Variants in CCNT1 observed in about 807,000 individuals in gnomAD.
CCNT1 encodes cyclin T1.
In CCNT1, 18 loss-of-function variants were observed where a neutral mutation model predicts 67.3. The ratio of observed to expected loss-of-function variants is 0.27; its 90% confidence interval spans 0.18 to 0.40. The LOEUF is 0.40. CCNT1 is among the 10% of genes least tolerant of loss of function. CCNT1 has a pLI of 1.00. For missense variants in CCNT1, 744 were observed against 884.9 expected (o/e 0.84, Z 2.02); for synonymous variants, 333 against 310.3 (o/e 1.07, Z -0.77).
chr12:48,693,597 G>A lies in CCNT1; in HGVS notation c.1617C>T (p.Asn539=). The A allele has an allele frequency of 6.2e-7, 1 of 1,614,182 alleles. No homozygotes were observed. The highest frequency in any genetic ancestry group is 1.1e-5 in the South Asian group (1 of 91,076). ...SHSQLPVGTG[N]KRPGDPKHSS... ...TATGTTTTGGATCACCAGGACGTTT[G>A]TTCCCAGTACCAACTGGAAGTTGGG... The change falls in exon 9 of 9, where the codon AAC becomes AAT. Residue 539 remains asparagine (N), a synonymous_variant. Transcript: ENST00000261900.
chr12:48,705,633 A>G (rs1190992910), intron 3 of CCNT1, 135 bp downstream of exon 3: 2 of 744,686 alleles, frequency 2.7e-6, no homozygotes, highest in Non-Finnish European at 4.4e-6. Flanking sequence ...AACAACACCA[A>G]TCTAAACTTC....
rs1454228200 is a variant in CCNT1, at chr12:48,716,605, G to A, written c.71C>T (p.Ser24Phe). 6.2e-7 allele frequency: 1 copy of A among 1,614,232 alleles called. No individual in the cohort carries two copies. The highest frequency in any genetic ancestry group is 8.5e-7 in the Non-Finnish European group (1 of 1,180,022). The change falls in exon 1 of 9, where the codon TCC becomes TTC. Residue 24 changes from serine to phenylalanine, a missense_variant. By Grantham distance (155) the Ser-to-Phe change is radical. Transcript: ENST00000261900. ...ATCTGGGTCCACGCCAAAACGACGG[G>A]ATGGGCTATTTTCCAGCTGTTCTCG... ...FTREQLENSP[S>F]RRFGVDPDKE...
intron 6 of CCNT1, among the ~76,000 whole-genome samples, chr12:48,697,534 A>AAAAATATATATATAT (rs1288926072): frequency 7.7e-6 from 1 of 130,710 alleles, no homozygotes; most frequent in African/African-American, 3.0e-5. Flanking sequence ...AAAAAAAAAA[A>AAAAATATATATATAT]ATATATATAT....
chr12:48,701,455 T>C (rs1346257130), intron 3 of CCNT1, among the ~76,000 whole-genome samples: 2 of 151,788 alleles, frequency 1.3e-5, no homozygotes, highest in African/African-American at 2.4e-5. Context: ...CTTTAAAAAA[T>C]AAATAAATAA....
At position 48,693,203 on chromosome 12, in the gene CCNT1, G is replaced by C; in HGVS notation, c.2011C>G (p.Gln671Glu). 1 of 1,614,154 alleles carries C rather than the reference G, an allele frequency of 6.2e-7. No homozygotes were observed. Among genetic ancestry groups the C allele is most frequent in the Non-Finnish European group, 8.5e-7 (1 of 1,180,016 alleles). The change falls in exon 9 of 9, where the codon CAG (glutamine) becomes GAG (glutamate). Residue 671 changes from glutamine to glutamate, a missense_variant. Transcript: ENST00000261900. ...VNMLHSLLSA[Q>E]GVQPTQPTAF... ...GTGGGCTGAGTGGGCTGAACACCCT[G>C]GGCACTGAGCAGGGAGTGAAGCATA...
rs748773472 is a variant in CCNT1, at chr12:48,693,262, G to A, written c.1952C>T (p.Thr651Met). 1.4e-5 allele frequency: 22 copies of A among 1,614,120 alleles called. No homozygotes were observed. Among genetic ancestry groups the A allele is most frequent in the East Asian group, 4.5e-5 (2 of 44,900 alleles). Residue 651 changes from threonine to methionine, a missense_variant, in exon 9 of 9, where the codon ACG (threonine) becomes ATG (methionine). By Grantham distance (81) the Thr-to-Met change is moderately conservative. Coordinates refer to ENST00000261900, the MANE Select transcript of CCNT1 (RefSeq NM_001240.4). ...GTCTTGATAGTCTATTGTCTGGGTC[G>A]TGTTGTGACCATTGGCCCCAGTGGG... ...KGPTGANGHNTTQTIDYQDTV... is the reference protein window; with the variant it reads ...KGPTGANGHNMTQTIDYQDTV...
At chr12:48,703,304 T>C (rs1286359133) in intron 3 of CCNT1, among the ~76,000 whole-genome samples, 1 of 152,066 alleles carries the variant, frequency 6.6e-6, no homozygotes, top group Non-Finnish European at 1.5e-5. Context: ...CTGGACATGG[T>C]GGCTCACGCC....
rs559667124 is a variant in CCNT1 at position 48,691,544 on chromosome 12, G to A, written c.*1489C>T. ...GAATTCTTTCTAGCCAAGATTTTCT[G>A]AAAGATTTATTAAAAATGTTCACTC... On this transcript the variant is annotated 3_prime_UTR_variant, in exon 9 of 9. Coordinates refer to ENST00000261900, the MANE Select transcript of CCNT1 (RefSeq NM_001240.4). 1 of 152,170 alleles carries A rather than the reference G, an allele frequency of 6.6e-6. No homozygotes were observed. Among genetic ancestry groups the A allele is most frequent in the Admixed American group, 6.5e-5 (1 of 15,280 alleles). The allele number at this position is 152,170 out of a possible 1,614,324, so 9.4% of individuals were successfully genotyped here.
rs561574316 is a variant in CCNT1 at position 48,706,030 on chromosome 12, G to GC, written c.244-135dup. ...CTTTGTCACCTCTTTACCCTTTCCC[G>GC]CCCCCCCGCTTCTACCATCTTCCCC... On this transcript the variant is annotated intron_variant, in intron 2 of 8. Coordinates refer to ENST00000261900, the MANE Select transcript of CCNT1 (RefSeq NM_001240.4). 4,059 of 707,422 alleles carry GC rather than the reference G, an allele frequency of 5.7e-3. 62 individuals carry two copies. Among genetic ancestry groups the GC allele is most frequent in the Non-Finnish European group, 4.8e-3 (2,200 of 458,132 alleles). The allele number at this position is 707,422 out of a possible 1,614,324, so 43.8% of individuals were successfully genotyped here. A position where few individuals can be genotyped will look rare whatever the true frequency, so the allele number is the denominator to read the frequency against.
chr12:48,695,187 C>T (rs1940149400), intron 8 of CCNT1, among the ~76,000 whole-genome samples: 1 of 152,092 alleles, frequency 6.6e-6, no homozygotes, highest in Non-Finnish European at 1.5e-5. Context: ...ACTCACTCAA[C>T]TCAGGAGAAT....
intron 2 of CCNT1, among the ~76,000 whole-genome samples, chr12:48,707,817 G>C (rs933937396): frequency 2.0e-5 from 3 of 152,142 alleles, no homozygotes; most frequent in Admixed American, 6.5e-5. Flanking sequence ...CCAGCACTTT[G>C]GGAGGCCGAG....
chr12:48,695,130 G>A (rs2137224277), intron 8 of CCNT1, among the ~76,000 whole-genome samples: 1 of 152,242 alleles, frequency 6.6e-6, no homozygotes, highest in Middle Eastern at 3.4e-3. Flanking sequence ...GGCCTCTCAA[G>A]CCTACTTCTA....
At chr12:48,704,961 C>T (rs140784235) in intron 3 of CCNT1, among the ~76,000 whole-genome samples, 176 of 152,280 alleles carry the variant, frequency 1.2e-3, no homozygotes, top group African/African-American at 4.0e-3. Context: ...TCCAACCCCA[C>T]CCCCTGTCCA....
chr12:48,693,968 A>C lies in CCNT1; in HGVS notation c.1246T>G (p.Ser416Ala). The change falls in exon 9 of 9, where the codon TCA becomes GCA. Residue 416 changes from serine to alanine, a missense_variant. Ser to Ala is a moderately conservative substitution (Grantham distance 99). Transcript: ENST00000261900. Reference sequence around the variant, plus strand: ...TTCTGGGCAGCATATGCATATTGTGACTTCACATTGGCTTCCATGTTCTCC... The same window carrying C: ...TTCTGGGCAGCATATGCATATTGTGCCTTCACATTGGCTTCCATGTTCTCC... ...QLENMEANVK[S>A]QYAYAAQNLL... 1 of 1,614,166 alleles carries C rather than the reference A, an allele frequency of 6.2e-7. No homozygotes were observed. Among genetic ancestry groups the C allele is most frequent in the South Asian group, 1.1e-5 (1 of 91,080 alleles).
chr12:48,693,200 C>A lies in CCNT1; in HGVS notation c.2014G>T (p.Gly672Cys). 6.2e-7 allele frequency: 1 copy of A among 1,614,126 alleles called. No individual in the cohort carries two copies. Among genetic ancestry groups the A allele is most frequent in the Non-Finnish European group, 8.5e-7 (1 of 1,180,028 alleles). ...GCAGTGGGCTGAGTGGGCTGAACAC[C>A]CTGGGCACTGAGCAGGGAGTGAAGC... ...NMLHSLLSAQ[G>C]VQPTQPTAFE... is the part of the protein sequence containing the mutation. The change falls in exon 9 of 9, where the codon GGT (glycine) becomes TGT (cysteine). Residue 672 changes from glycine (G) to cysteine (C), a missense_variant. Around this residue, in one of 3 missense-constraint regions of CCNT1, gnomAD observed 564 missense variants for 574.2 expected, o/e 0.98. Transcript: ENST00000261900.
Position 48,693,160 on chromosome 12 carries a change from C to A in CCNT1, c.2054G>T (p.Arg685Leu). Residue 685 changes from arginine (R) to leucine (L), a missense_variant, in exon 9 of 9, where the codon CGT (arginine) becomes CTT (leucine). Around this residue, in one of 3 missense-constraint regions of CCNT1, gnomAD observed 564 missense variants for 574.2 expected, o/e 0.98. Coordinates refer to ENST00000261900, the MANE Select transcript of CCNT1 (RefSeq NM_001240.4). The stretch of plus-strand genomic sequence containing the variant: ...AGGATTCAGATAGTCACTATAAGGA[C>A]GAACAAATTCAAATGCAGTGGGCTG... ...PTQPTAFEFV[R>L]PYSDYLNPRS... 6.2e-7 allele frequency: 1 copy of A among 1,614,066 alleles called. No individual in the cohort carries two copies. Among genetic ancestry groups the A allele is most frequent in the Non-Finnish European group, 8.5e-7 (1 of 1,180,010 alleles).
chr12:48,700,827 T>C (rs1229274389), intron 4 of CCNT1, among the ~76,000 whole-genome samples, 186 bp downstream of exon 4: 1 of 152,228 alleles, frequency 6.6e-6, no homozygotes, highest in African/African-American at 2.4e-5. Context: ...AGGTCAGCTG[T>C]ACTACCTGCA....
chr12:48,711,845 T>C (rs2137243981), intron 2 of CCNT1, among the ~76,000 whole-genome samples: 2 of 152,308 alleles, frequency 1.3e-5, no homozygotes, highest in Admixed American at 1.3e-4. Flanking sequence ...CAGGCTGGAG[T>C]GCAGTGGCAC....
At chr12:48,706,557 T>C (rs1323200261) in intron 2 of CCNT1, among the ~76,000 whole-genome samples, 1 of 152,276 alleles carries the variant, frequency 6.6e-6, no homozygotes, top group Non-Finnish European at 1.5e-5. Context: ...TTGAAGTCAA[T>C]ATAAAAGTAG....
Sources: gnomAD v4.1 joint callset for allele counts (sites outside exome capture counted in the v4.1 genomes callset) on GRCh38, gnomAD v4.1.1 for gene constraint, gnomAD v4.1.1 regional missense constraint, MANE v1.5 for transcripts, NCBI Gene and HGNC (gene_info 2026-07-23, HGNC 2026-07-21) for gene names.